The following SSC4D variants were observed in gnomAD, a reference collection of about 807,000 sequenced individuals.
SSC4D encodes scavenger receptor cysteine rich family member with 4 domains, also known as scavenger receptor cysteine-rich domain-containing group B protein.
In SSC4D, 57 loss-of-function variants were observed where a neutral mutation model predicts 63.4. That is an observed-to-expected ratio of 0.90 (90% CI 0.73 to 1.12). SSC4D has a LOEUF of 1.12. SSC4D is among the 50% of genes most tolerant of loss of function. The pLI is 0.00. For missense variants in SSC4D, 791 were observed against 806.4 expected (o/e 0.98, Z 0.23); for synonymous variants, 352 against 345.4 (o/e 1.02, Z -0.21).
In SSC4D at chr7:76,397,574, AG is replaced by A. The variant is rs752179015; in HGVS notation, c.811del (p.Leu271TrpfsTer150). On this transcript the variant is annotated frameshift_variant, in exon 6 of 11. Transcript: ENST00000275560. LOFTEE classifies it high-confidence loss of function. The part of the protein sequence containing the change: ...GEPRLAACQS[L>X]GWGVHNCGHH... ...GCCGCAGTTGTGCACACCCCAGCCCAGGCTCTGGCAGGCTGCCAGGCGGGGC... is the reference window on the plus strand; with the variant it reads ...GCCGCAGTTGTGCACACCCCAGCCCAGCTCTGGCAGGCTGCCAGGCGGGGC... The A allele has an allele frequency of 1.1e-5, 18 of 1,608,220 alleles. No individual in the cohort carries two copies. The highest frequency in any genetic ancestry group is 1.5e-5 in the Non-Finnish European group (18 of 1,177,702).
intron 10 of SSC4D, 39 bp from the exon 11 acceptor site, chr7:76,390,414 A>G: frequency 5.2e-6 from 8 of 1,527,166 alleles, no homozygotes; most frequent in South Asian, 1.3e-5. Context: ...GGGCTGGTCC[A>G]TGCCAGGCCA....
rs1563689370 is a variant in SSC4D at position 76,409,454 on chromosome 7, A to G, written c.-107T>C. 1.3e-5 allele frequency: 2 copies of G among 152,272 alleles called. No individual in the cohort carries two copies. The highest frequency in any genetic ancestry group is 1.9e-4 in the East Asian group (1 of 5,208). 9.4% of individuals were successfully genotyped at this position (152,272 alleles called of 1,614,324 possible). A position where few individuals can be genotyped will look rare whatever the true frequency, so the allele number is the denominator to read the frequency against. On this transcript the variant is annotated 5_prime_UTR_variant, in exon 1 of 11. Transcript: ENST00000275560. ...GGGCTCTTTCTGTCCCTTCTTCTAC[A>G]GTCAATCCAAGATCGAATCACTTTG...
At chr7:76,401,112 C>A (rs972353983) in intron 2 of SSC4D, 69 bp from the exon 3 acceptor site, 9 of 1,466,946 alleles carry the variant, frequency 6.1e-6, no homozygotes, top group Admixed American at 2.5e-5. Flanking sequence ...CAGGAACACA[C>A]CCCCCAACTC....
chr7:76,404,553 A>G, intron 1 of SSC4D, 48 bp from the exon 2 acceptor site: 1 of 1,527,270 alleles, frequency 6.5e-7, no homozygotes, highest in Non-Finnish European at 9.0e-7. Flanking sequence ...GCACTTTGGG[A>G]GGCCGAGGTG....
At chr7:76,407,101 C>T (rs1805059876) in intron 1 of SSC4D, among the ~76,000 whole-genome samples, 1 of 152,066 alleles carries the variant, frequency 6.6e-6, no homozygotes, top group Non-Finnish European at 1.5e-5. Flanking sequence ...GCTGGGATTA[C>T]TGGCATGTGC....
chr7:76,394,435 G>T (rs1229476988), intron 7 of SSC4D, among the ~76,000 whole-genome samples: 1 of 147,262 alleles, frequency 6.8e-6, no homozygotes, highest in African/African-American at 2.5e-5. Flanking sequence ...TTGATACAGA[G>T]TTTCGCTCTG....
chr7:76,391,979 G>T lies in SSC4D; in HGVS notation c.1396C>A (p.Pro466Thr). Residue 466 changes from proline to threonine, a missense_variant, in exon 10 of 11, where the codon CCT (proline) becomes ACT (threonine). By Grantham distance (38) the Pro-to-Thr change is conservative. Coordinates refer to ENST00000275560, the MANE Select transcript of SSC4D (RefSeq NM_080744.2). The part of the protein sequence containing the change: ...DGSETTRVPT[P>T]RPRDGHLRLV... ...GGGCACCTACCGTCCCTGGGCCGAG[G>T]AGTGGGCACCCGCGTGGTCTCAGAA... 3 of 1,595,392 alleles carry T rather than the reference G, an allele frequency of 1.9e-6. No homozygotes were observed. The highest frequency in any genetic ancestry group is 2.6e-6 in the Non-Finnish European group (3 of 1,170,808).
At chr7:76,400,650 A>C in intron 3 of SSC4D, 59 bp from the exon 4 acceptor site, 1 of 1,388,228 alleles carries the variant, frequency 7.2e-7, no homozygotes, top group African/African-American at 1.5e-5. Flanking sequence ...CAGCATGCCC[A>C]CTCCAGGATG....
Position 76,391,994 on chromosome 7 carries a change from T to C in SSC4D, c.1381A>G (p.Thr461Ala), listed in dbSNP as rs367887548. ...LQVQQDGSETTRVPTPRPRDG... is the reference protein window; with the variant it reads ...LQVQQDGSETARVPTPRPRDG... ...CTGGGCCGAGGAGTGGGCACCCGCG[T>C]GGTCTCAGAACCATCCTGCTGGACT... Residue 461 changes from threonine to alanine, a missense_variant, in exon 10 of 11, where the codon ACG (threonine) becomes GCG (alanine). Transcript: ENST00000275560. 1 of 1,594,054 alleles carries C rather than the reference T, an allele frequency of 6.3e-7. No homozygotes were observed. Among genetic ancestry groups the C allele is most frequent in the East Asian group, 2.3e-5 (1 of 44,186 alleles).
chr7:76,397,187 A>T (rs1170686645), intron 6 of SSC4D, among the ~76,000 whole-genome samples: 2 of 152,060 alleles, frequency 1.3e-5, no homozygotes, highest in Non-Finnish European at 2.9e-5. Context: ...GGTTCAAGCG[A>T]TTCTCCTGCC....
In SSC4D at chr7:76,400,355, C is replaced by T. The variant is rs1175356820; in HGVS notation, c.406G>A (p.Glu136Lys). Reference sequence around the variant, plus strand: ...ACGCCCCAGCCGCGGCTGCCGCACTCGCTCAGCGCAGCTTCCTGCCCGCGG... The same window carrying T: ...ACGCCCCAGCCGCGGCTGCCGCACTTGCTCAGCGCAGCTTCCTGCCCGCGG... ...ECRGQEAALSECGSRGWGVHN... is the reference protein window; with the variant it reads ...ECRGQEAALSKCGSRGWGVHN... The change falls in exon 4 of 11, where the codon GAG (glutamate) becomes AAG (lysine). Residue 136 changes from glutamate (E) to lysine (K), a missense_variant. Coordinates refer to ENST00000275560, the MANE Select transcript of SSC4D (RefSeq NM_080744.2). 1.5e-5 allele frequency: 24 copies of T among 1,548,778 alleles called. No homozygotes were observed. The highest frequency in any genetic ancestry group is 2.4e-5 in the East Asian group (1 of 41,756).
chr7:76,399,508 G>A (rs564250164), intron 4 of SSC4D, among the ~76,000 whole-genome samples: 1 of 151,956 alleles, frequency 6.6e-6, no homozygotes, highest in African/African-American at 2.4e-5. Context: ...CACGTGGAGC[G>A]CATGGCCAGT....
chr7:76,397,531 G>C lies in SSC4D; in HGVS notation c.855C>G (p.Gly285=). ...VHNCGHHEDA[G]ALCAGLGPPT... ...TAGAGCCCGCACCTGCGCAGAGCGC[G>C]CCCGCGTCCTCGTGGTGGCCGCAGT... Residue 285 remains glycine, a synonymous_variant, in exon 6 of 11, where the codon GGC becomes GGG. Coordinates refer to ENST00000275560, the MANE Select transcript of SSC4D (RefSeq NM_080744.2). The C allele has an allele frequency of 6.4e-7, 1 of 1,568,464 alleles. No individual in the cohort carries two copies. Among genetic ancestry groups the C allele is most frequent in the Non-Finnish European group, 8.6e-7 (1 of 1,158,128 alleles).
intron 5 of SSC4D, 46 bp downstream of exon 5, chr7:76,398,674 A>G (rs1437334033): frequency 6.4e-7 from 1 of 1,574,320 alleles, no homozygotes; most frequent in Non-Finnish European, 8.7e-7. Context: ...GGTGTGAGAG[A>G]CTCCTCTCCC....
At chr7:76,393,281 C>G in intron 9 of SSC4D, 124 bp downstream of exon 9, 3 of 1,046,012 alleles carry the variant, frequency 2.9e-6, no homozygotes, top group Non-Finnish European at 3.7e-6. Context: ...CGCCCCTCTG[C>G]GGAGTGCGCA....
At chr7:76,397,913 C>A in intron 5 of SSC4D, 81 bp from the exon 6 acceptor site, 1 of 1,378,116 alleles carries the variant, frequency 7.3e-7, no homozygotes, top group Non-Finnish European at 9.7e-7. Context: ...CCCGGTGTCC[C>A]AGGATCTACA....
In SSC4D at chr7:76,397,632, GGAT is replaced by G; in HGVS notation, c.751_753del (p.Ile251del). On this transcript the variant is annotated inframe_deletion, in exon 6 of 11. Coordinates refer to ENST00000275560, the MANE Select transcript of SSC4D (RefSeq NM_080744.2). ...CCTTCGCAGTGCACGTTGTCCAGCA[GGAT>G]GTGTCCGGTGCCATAGCCGAAGAAG... 1 of 1,613,594 alleles carries G rather than the reference GGAT, an allele frequency of 6.2e-7. No homozygotes were observed. The highest frequency in any genetic ancestry group is 1.3e-5 in the African/African-American group (1 of 75,050).
At position 76,393,679 on chromosome 7, in the gene SSC4D, G is replaced by A; in HGVS notation, c.1059C>T (p.Cys353=). Residue 353 remains cysteine, a synonymous_variant, in exon 9 of 11, where the codon TGC becomes TGT. Coordinates refer to ENST00000275560, the MANE Select transcript of SSC4D (RefSeq NM_080744.2). ...CGTGCAACACCTCCACGCGGCCGCG[G>A]CACGGACCCGGGCCGCCCACCAGTC... ...RLRLVGGPGP[C]RGRVEVLHAG... 2.1e-6 allele frequency: 3 copies of A among 1,420,020 alleles called. No individual in the cohort carries two copies. The highest frequency in any genetic ancestry group is 6.1e-5 in the Admixed American group (2 of 32,638). 88.0% of individuals were successfully genotyped at this position (1,420,020 alleles called of 1,614,324 possible). A position where few individuals can be genotyped will look rare whatever the true frequency, so the allele number is the denominator to read the frequency against.
chr7:76,393,862 A>C lies in SSC4D; in HGVS notation c.989T>G (p.Leu330Arg). 1 of 1,606,556 alleles carries C rather than the reference A, an allele frequency of 6.2e-7. No individual in the cohort carries two copies. The highest frequency in any genetic ancestry group is 8.5e-7 in the Non-Finnish European group (1 of 1,176,304). ...CCCCGCGGCCCAGGCGGCGGTGGTG[A>C]GCAGTGCTGTCTCCCGGGAAGGCTG... ...GPQPSRETAL[L>R]TTAAWAAGKK... Residue 330 changes from leucine to arginine, a missense_variant, in exon 8 of 11, where the codon CTC becomes CGC. By Grantham distance (102) the Leu-to-Arg change is moderately radical (BLOSUM62 -2). Coordinates refer to ENST00000275560, the MANE Select transcript of SSC4D (RefSeq NM_080744.2).
Sources: allele counts gnomAD v4.1 joint callset (sites outside exome capture counted in the v4.1 genomes callset), GRCh38; gene constraint gnomAD v4.1.1; transcripts MANE v1.5; gene names NCBI Gene and HGNC (gene_info 2026-07-23, HGNC 2026-07-21).